Variants in LIN54 observed in about 807,000 individuals in gnomAD.
LIN54 encodes the protein protein lin-54 homolog.
In LIN54, 9 loss-of-function variants were observed where a neutral mutation model predicts 78.7. The ratio of observed to expected loss-of-function variants is 0.11; its 90% CI spans 0.07 to 0.20. The LOEUF is 0.20. LIN54 is among the 10% of genes least tolerant of loss of function. LIN54 has a pLI of 1.00. For missense variants in LIN54, 573 were observed against 889.9 expected, an observed-to-expected ratio of 0.64 and a Z score of 4.53; for synonymous variants, 269 against 318.4, an observed-to-expected ratio of 0.84 and a Z score of 1.65.
At chr4:82,970,073 A>G (rs985811770) in intron 4 of LIN54, among the ~76,000 whole-genome samples, 2 of 152,252 alleles carry the variant, frequency 1.3e-5, no homozygotes, top group African/African-American at 2.4e-5. Context: ...AATTTATTCA[A>G]GATTTTGTTG....
At position 82,964,381 on chromosome 4, in the gene LIN54, A is replaced by G. The variant is rs1339380245; in HGVS notation, c.951+5946T>C. Among the ~76,000 whole-genome samples, 6 of 152,288 alleles carry G rather than the reference A, an allele frequency of 3.9e-5. No individual in the cohort carries two copies. The East Asian group carries it at 1.2e-3, about 29-fold the overall frequency. On this transcript the variant is annotated intron_variant, in intron 4 of 12. Coordinates refer to ENST00000340417, the MANE Select transcript of LIN54 (RefSeq NM_194282.4). ...TTACTCTTTTTTCTTGCCTTATTGC[A>G]TTAATTCAGACCTGCAGTAGAATTA...
intron 4 of LIN54, among the ~76,000 whole-genome samples, chr4:82,955,369 A>AAATAAC (rs1553950442): frequency 0.022 from 3,067 of 138,364 alleles, 67 homozygotes; most frequent in Admixed American, 0.059. Flanking sequence ...ATCTCAAAAA[A>AAATAAC]ATAACATAAC....
intron 4 of LIN54, among the ~76,000 whole-genome samples, chr4:82,948,113 A>G (rs938153655): frequency 6.6e-5 from 10 of 152,206 alleles, no homozygotes; most frequent in Admixed American, 2.0e-4. Context: ...ATAAATATGG[A>G]AGCTACTGAA....
At chr4:82,971,547 A>AC (rs1284918744) in intron 3 of LIN54, among the ~76,000 whole-genome samples, 9 of 152,164 alleles carry the variant, frequency 5.9e-5, no homozygotes, top group Middle Eastern at 6.8e-3. Context: ...TAAAAAAAAA[A>AC]AACAGGTTTT....
chr4:83,001,310 G>A (rs2126108098), intron 1 of LIN54, among the ~76,000 whole-genome samples: 1 of 151,544 alleles, frequency 6.6e-6, no homozygotes, highest in Middle Eastern at 3.4e-3. Context: ...CCAACACTTT[G>A]GGAGGCCAAG....
chr4:82,962,549 C>T (rs1007605503), intron 4 of LIN54, among the ~76,000 whole-genome samples: 3 of 151,324 alleles, frequency 2.0e-5, no homozygotes, highest in African/African-American at 7.3e-5. Context: ...GTAGAAAAGA[C>T]GGACAACAGA....
In LIN54 at chr4:82,946,170, C is replaced by G. The variant is rs139422479; in HGVS notation, c.1168+88G>C. On this transcript the variant is annotated intron_variant, in intron 5 of 12. Coordinates refer to ENST00000340417, the MANE Select transcript of LIN54 (RefSeq NM_194282.4). ...GCTCAAACTCAGTTGAAATGCCACTCTTCATCAGGATTTCAGCAAGAAATG... is the reference window on the plus strand; with the variant it reads ...GCTCAAACTCAGTTGAAATGCCACTGTTCATCAGGATTTCAGCAAGAAATG... The G allele has an allele frequency of 2.9e-4, 334 of 1,162,924 alleles. 2 individuals are homozygous for G. The East Asian group carries it at 5.8e-3, about 20-fold the overall frequency. 72.0% of individuals were successfully genotyped at this position (1,162,924 alleles called of 1,614,324 possible).
At chr4:82,998,476 GA>G (rs1036200670) in intron 1 of LIN54, among the ~76,000 whole-genome samples, 79 of 113,302 alleles carry the variant, frequency 7.0e-4, no homozygotes, top group African/African-American at 2.7e-3. Context: ...CCAGGAGGTG[GA>G]GGTTGCAGTA....
intron 1 of LIN54, among the ~76,000 whole-genome samples, chr4:83,003,880 A>G (rs977646321): frequency 6.6e-6 from 1 of 152,184 alleles, no homozygotes; most frequent in South Asian, 2.1e-4. Context: ...GTATTTTTAT[A>G]AAGTACATTC....
At chr4:82,947,987 G>A (rs757625754) in intron 4 of LIN54, among the ~76,000 whole-genome samples, 11 of 151,930 alleles carry the variant, frequency 7.2e-5, no homozygotes, top group East Asian at 5.8e-4. Flanking sequence ...CATTACTTCC[G>A]CATAAAATAA....
chr4:83,010,834 TTCC>T, upstream of LIN54: 4 of 1,210,344 alleles, frequency 3.3e-6, no homozygotes, highest in South Asian at 4.2e-5. Context: ...AACCTCCCCC[TTCC>T]TCCTCCTCCC....
chr4:82,994,936 CTG>C (rs1315821514), intron 1 of LIN54, among the ~76,000 whole-genome samples: 1 of 151,948 alleles, frequency 6.6e-6, no homozygotes, highest in Non-Finnish European at 1.5e-5. Flanking sequence ...TTAAAAGAGA[CTG>C]AGAATTATAG....
intron 3 of LIN54, among the ~76,000 whole-genome samples, chr4:82,971,903 C>A (rs1163090674): frequency 1.3e-5 from 2 of 152,100 alleles, no homozygotes; most frequent in East Asian, 3.8e-4. Context: ...TGATTAAACT[C>A]ATAGATCCAG....
intron 4 of LIN54, among the ~76,000 whole-genome samples, chr4:82,968,120 G>A (rs904619398): frequency 4.6e-5 from 7 of 151,182 alleles, no homozygotes; most frequent in South Asian, 2.1e-4. Flanking sequence ...TCAGCTCACC[G>A]CGACCTCTAC....
intron 3 of LIN54, among the ~76,000 whole-genome samples, chr4:82,974,667 G>A (rs1446872935): frequency 6.6e-6 from 1 of 152,058 alleles, no homozygotes; most frequent in Non-Finnish European, 1.5e-5. Flanking sequence ...AACCCAGAAG[G>A]CAGAGGTTGC....
In LIN54 at chr4:82,947,227, A is replaced by ATTTTT. The variant is rs1425401118; in HGVS notation, c.952-754_952-753insAAAAA. On this transcript the variant is annotated intron_variant, in intron 4 of 12. Transcript: ENST00000340417. ...AAAATTTATATATATATATATATAT[A>ATTTTT]TATATATATTTTTTTTTTTTTTGAA... Among the ~76,000 whole-genome samples the ATTTTT allele has an allele frequency of 2.6e-4, 6 of 22,886 alleles. 1 individual carries two copies. The highest frequency in any genetic ancestry group is 6.1e-4 in the African/African-American group (4 of 6,506). The allele number at this position is 22,886 out of a possible 152,430, so 15.0% of individuals were successfully genotyped here. A position where few individuals can be genotyped will look rare whatever the true frequency, so the allele number is the denominator to read the frequency against.
intron 1 of LIN54, among the ~76,000 whole-genome samples, chr4:82,988,054 CTT>C (rs1192205991): frequency 6.6e-6 from 1 of 152,162 alleles, no homozygotes; most frequent in Non-Finnish European, 1.5e-5. Context: ...TGTTTCCTGA[CTT>C]TTTAATAATC....
At chr4:82,957,507 T>C (rs1395196849) in intron 4 of LIN54, among the ~76,000 whole-genome samples, 1 of 152,238 alleles carries the variant, frequency 6.6e-6, no homozygotes, top group African/African-American at 2.4e-5. Context: ...TATGTTTATT[T>C]TCTCTCCATT....
chr4:82,927,970 G>A lies in LIN54; in HGVS notation c.*132C>T. ...CTCATTTAAAATTTCTTCTCCTTCA[G>A]TATTATAATTTCAGGTCTTTTAAAA... On this transcript the variant is annotated 3_prime_UTR_variant, in exon 13 of 13. Transcript: ENST00000340417. 1.4e-6 allele frequency: 1 copy of A among 711,282 alleles called. No homozygotes were observed. The highest frequency in any genetic ancestry group is 1.8e-5 in the African/African-American group (1 of 56,066). 44.1% of individuals were successfully genotyped at this position (711,282 alleles called of 1,614,324 possible).
Sources: gnomAD v4.1 joint callset for allele counts (sites outside exome capture counted in the v4.1 genomes callset) on GRCh38, gnomAD v4.1.1 for gene constraint, MANE v1.5 for transcripts, NCBI Gene and HGNC (gene_info 2026-07-23, HGNC 2026-07-21) for gene names.